NFIB: variants seen among roughly 807,000 people sequenced by gnomAD.
The protein encoded by NFIB is nuclear factor I B, also known as nuclear factor 1 B-type.
Under a neutral mutation model 61.5 loss-of-function variants are expected in NFIB, and 11 were observed. The observed-to-expected ratio is 0.18, with a 90% CI of 0.11 to 0.30. The LOEUF is 0.30. NFIB is among the 10% of genes least tolerant of loss of function. The pLI is 1.00. For synonymous variants in NFIB, 260 were observed against 216.5 expected (o/e 1.20, Z -1.76); for missense variants, 471 against 608.9 (o/e 0.77, Z 2.38).
intron 2 of NFIB, among the ~76,000 whole-genome samples, chr9:14,188,390 T>C (rs1254854075): frequency 6.6e-6 from 1 of 152,240 alleles, no homozygotes; most frequent in Non-Finnish European, 1.5e-5. Context: ...ATAATATAAA[T>C]ACAGAGGCAA....
intron 2 of NFIB, among the ~76,000 whole-genome samples, chr9:14,248,584 G>A (rs1434857178): frequency 6.6e-6 from 1 of 151,968 alleles, no homozygotes; most frequent in African/African-American, 2.4e-5. Flanking sequence ...ATTACTTTTT[G>A]TTAGTAATAA....
At chr9:14,488,569 G>C in the NFIB span, among the ~76,000 whole-genome samples, 1 of 151,956 alleles carries the variant, frequency 6.6e-6, no homozygotes, top group Non-Finnish European at 1.5e-5. Flanking sequence ...TTGATCAGTG[G>C]GCTCTGGGAA....
chr9:14,401,699 T>G (rs777851827), upstream of NFIB, among the ~76,000 whole-genome samples: 3 of 152,232 alleles, frequency 2.0e-5, no homozygotes, highest in Non-Finnish European at 2.9e-5. Flanking sequence ...TAAGCAGTGA[T>G]GCTGAGTACT....
chr9:14,472,820 G>A, the NFIB span, among the ~76,000 whole-genome samples: 1 of 151,776 alleles, frequency 6.6e-6, no homozygotes, highest in Non-Finnish European at 1.5e-5. Context: ...CAGCCTGGGC[G>A]ACAGAGCGAG....
At chr9:14,201,013 C>A (rs2382458) in intron 2 of NFIB, among the ~76,000 whole-genome samples, 2 of 151,998 alleles carry the variant, frequency 1.3e-5, no homozygotes, top group Non-Finnish European at 2.9e-5. Flanking sequence ...CCCCAACTCC[C>A]CAAAGCTTCA....
At chr9:14,142,101 CTATT>C (rs2041796276) in intron 6 of NFIB, among the ~76,000 whole-genome samples, 1 of 152,120 alleles carries the variant, frequency 6.6e-6, no homozygotes, top group Non-Finnish European at 1.5e-5. Flanking sequence ...TTCAAGCATA[CTATT>C]TATTTGTCTG....
chr9:14,258,147 T>G (rs939994719), intron 2 of NFIB, among the ~76,000 whole-genome samples: 5 of 152,266 alleles, frequency 3.3e-5, no homozygotes, highest in African/African-American at 1.2e-4. Flanking sequence ...GCAAAGGTAC[T>G]GCTTATCATC....
At chr9:14,449,871 T>C in the NFIB span, among the ~76,000 whole-genome samples, 2 of 151,828 alleles carry the variant, frequency 1.3e-5, no homozygotes, top group South Asian at 2.1e-4. Context: ...GAGGTGGAGG[T>C]TGCAAGTGAG....
intron 10 of NFIB, among the ~76,000 whole-genome samples, chr9:14,108,927 C>A (rs890995535): frequency 6.6e-6 from 1 of 151,966 alleles, no homozygotes; most frequent in African/African-American, 2.4e-5. Flanking sequence ...TTCTTAGCTG[C>A]AAACTTTTTA....
chr9:14,447,099 A>G, the NFIB span, among the ~76,000 whole-genome samples: 1 of 152,178 alleles, frequency 6.6e-6, no homozygotes, highest in Non-Finnish European at 1.5e-5. Flanking sequence ...TATATTTCAT[A>G]GGTTCAATGT....
At chr9:14,431,448 G>T in the NFIB span, among the ~76,000 whole-genome samples, 1 of 152,192 alleles carries the variant, frequency 6.6e-6, no homozygotes, top group Non-Finnish European at 1.5e-5. Flanking sequence ...AGGCTGGATG[G>T]TGGGTGAGTG....
the NFIB span, among the ~76,000 whole-genome samples, chr9:14,518,312 C>T: frequency 1.3e-5 from 2 of 152,196 alleles, no homozygotes; most frequent in African/African-American, 4.8e-5. Flanking sequence ...CAACTCATGA[C>T]TTGCTCCAGC....
chr9:14,424,125 G>A, the NFIB span, among the ~76,000 whole-genome samples: 2 of 152,088 alleles, frequency 1.3e-5, no homozygotes, highest in African/African-American at 2.4e-5. Context: ...TCATAACACC[G>A]ATGCCATGAT....
chr9:14,303,183 G>C (rs199750675), intron 2 of NFIB, among the ~76,000 whole-genome samples: 3 of 152,300 alleles, frequency 2.0e-5, no homozygotes, highest in East Asian at 3.9e-4. Context: ...AAATTTGCAA[G>C]AGTGGCAAGT....
intron 2 of NFIB, among the ~76,000 whole-genome samples, chr9:14,191,096 A>T (rs1355149930): frequency 6.8e-6 from 1 of 147,668 alleles, no homozygotes; most frequent in Non-Finnish European, 1.5e-5. Context: ...GGGAGGCTGA[A>T]GTGGGAGGAT....
chr9:14,204,760 C>G (rs2049448184), intron 2 of NFIB: 1 of 539,462 alleles, frequency 1.9e-6, no homozygotes, highest in Non-Finnish European at 3.3e-6. Context: ...TCCTGCCTGC[C>G]CTGTGTCGTA....
At chr9:14,150,031 A>G in intron 5 of NFIB, 114 bp downstream of exon 5, 1 of 1,441,398 alleles carries the variant, frequency 6.9e-7, no homozygotes, top group Non-Finnish European at 9.4e-7. Context: ...GTGTACTACC[A>G]GCAAAAATTA....
chr9:14,436,451 T>C, the NFIB span, among the ~76,000 whole-genome samples: 1 of 152,256 alleles, frequency 6.6e-6, no homozygotes, highest in African/African-American at 2.4e-5. Flanking sequence ...GGCATCTGTA[T>C]GGGCTTCTCC....
At chr9:14,246,572 A>T (rs1293523531) in intron 2 of NFIB, among the ~76,000 whole-genome samples, 2 of 152,182 alleles carry the variant, frequency 1.3e-5, no homozygotes, top group Admixed American at 6.5e-5. Flanking sequence ...TTGTAGAGTG[A>T]ATGCCCATAT....
Sources: gnomAD v4.1 joint callset for allele counts (sites outside exome capture counted in the v4.1 genomes callset) on GRCh38, gnomAD v4.1.1 for gene constraint, MANE v1.5 for transcripts, NCBI Gene and HGNC (gene_info 2026-07-23, HGNC 2026-07-21) for gene names.